PEX7: variants seen among roughly 807,000 people sequenced by gnomAD.
PEX7 encodes peroxisomal biogenesis factor 7.
A neutral mutation model predicts 47.5 loss-of-function variants in PEX7; 34 were observed. The ratio of observed to expected loss-of-function variants is 0.72; its 90% confidence interval spans 0.54 to 0.95. The LOEUF (loss-of-function observed/expected upper bound fraction) is 0.95. Ranked by LOEUF, PEX7 falls within the 40% of genes least tolerant of loss-of-function variation. The pLI is 0.00. For synonymous variants in PEX7, 141 were observed against 148.8 expected (o/e 0.95, Z 0.38); for missense variants, 394 against 400.3 (o/e 0.98, Z 0.13).
intron 9 of PEX7, among the ~76,000 whole-genome samples, chr6:136,904,737 G>A (rs563649570): frequency 6.6e-6 from 1 of 151,252 alleles, no homozygotes; most frequent in South Asian, 2.1e-4. Context: ...GGAACTGTAA[G>A]TCCATTAAAC....
rs375852164 is a variant in PEX7, at chr6:136,870,051, A to G, written c.747+48A>G. On this transcript the variant is annotated intron_variant, in intron 7 of 9. Coordinates refer to ENST00000318471, the MANE Select transcript of PEX7 (RefSeq NM_000288.4). ...ATATGTAGAATAAAATTATATAAAT[A>G]TAATCAATGAAGTGTATATTAAAAA... is the stretch of plus-strand genomic sequence containing the variant. 9 of 1,148,514 alleles carry G rather than the reference A, an allele frequency of 7.8e-6. No homozygotes were observed. The African/African-American group carries it at 1.2e-4, about 16-fold the overall frequency. 71.1% of individuals were successfully genotyped at this position (1,148,514 alleles called of 1,614,324 possible). A position where few individuals can be genotyped will look rare whatever the true frequency, so the allele number is the denominator to read the frequency against.
At chr6:136,867,558 A>C (rs1006777317) in intron 6 of PEX7, among the ~76,000 whole-genome samples, 1 of 152,090 alleles carries the variant, frequency 6.6e-6, no homozygotes, top group African/African-American at 2.4e-5. Flanking sequence ...AAAGAAAGAA[A>C]ATATTTTTGT....
chr6:136,876,972 G>A (rs187522461), intron 8 of PEX7, among the ~76,000 whole-genome samples: 12 of 152,174 alleles, frequency 7.9e-5, no homozygotes, highest in Admixed American at 6.5e-4. Flanking sequence ...AAAAGCCTTC[G>A]TATTTCTCCA....
intron 8 of PEX7, among the ~76,000 whole-genome samples, chr6:136,880,870 G>A (rs1039739359): frequency 6.6e-6 from 1 of 152,228 alleles, no homozygotes; most frequent in African/African-American, 2.4e-5. Flanking sequence ...CGGGCAGACA[G>A]CTGGGAAGAA....
chr6:136,867,776 A>G (rs957386936), intron 6 of PEX7, among the ~76,000 whole-genome samples: 11 of 105,376 alleles, frequency 1.0e-4, no homozygotes, highest in African/African-American at 3.5e-4. Context: ...ACTCCATCTC[A>G]AAACAACAAC....
chr6:136,866,116 TAAAA>T (rs748143520), intron 5 of PEX7, among the ~76,000 whole-genome samples: 31 of 151,574 alleles, frequency 2.0e-4, no homozygotes, highest in African/African-American at 4.1e-4. Flanking sequence ...AATAAATAAA[TAAAA>T]TTTTTTAGCT....
Position 136,846,159 on chromosome 6 carries a change from T to G in PEX7, c.504T>G (p.Pro168=). 6.2e-7 allele frequency: 1 copy of G among 1,611,652 alleles called. No homozygotes were observed. ...GCACAATCTGGTCTCCCCACATCCC[T>G]GGTTGTTTTGCTTCAGCCTCAGGTA... The part of the protein sequence containing the change: ...IYSTIWSPHI[P]GCFASASGDQ... The change falls in exon 5 of 10, where the codon CCT becomes CCG. Residue 168 remains proline (P), a synonymous_variant. Transcript: ENST00000318471.
chr6:136,866,703 C>CT lies in PEX7; in HGVS notation c.605dup (p.Leu202PhefsTer4), dbSNP rs778606958. Reference sequence around the variant, plus strand: ...TGATTCCTGCACATCAGGCAGAAATCTTGAGTTGTGACTGGTGTAAATACA... The same window carrying CT: ...TGATTCCTGCACATCAGGCAGAAATCTTTGAGTTGTGACTGGTGTAAATACA... On this transcript the variant is annotated frameshift_variant, in exon 6 of 10. Transcript: ENST00000318471. LOFTEE classifies it high-confidence loss of function. The CT allele has an allele frequency of 6.2e-7, 1 of 1,613,956 alleles. No individual in the cohort carries two copies. Among genetic ancestry groups the CT allele is most frequent in the Admixed American group, 1.7e-5 (1 of 60,004 alleles).
At chr6:136,896,496 GAAT>G (rs1775653960) in intron 8 of PEX7, among the ~76,000 whole-genome samples, 1 of 152,166 alleles carries the variant, frequency 6.6e-6, no homozygotes. Context: ...TCCCAAGGGA[GAAT>G]TTCCTTCTGA....
At chr6:136,890,433 C>T (rs1483963042) in intron 8 of PEX7, among the ~76,000 whole-genome samples, 2 of 152,212 alleles carry the variant, frequency 1.3e-5, no homozygotes, top group African/African-American at 2.4e-5. Context: ...GTCATTCCTC[C>T]TCCTCCTGCA....
intron 5 of PEX7, among the ~76,000 whole-genome samples, chr6:136,857,856 T>C (rs186303136): frequency 1.3e-5 from 2 of 152,270 alleles, no homozygotes; most frequent in East Asian, 1.9e-4. Flanking sequence ...AGGGTCTGGC[T>C]CTGTTGCCCG....
In PEX7 at chr6:136,913,609, C is replaced by G; in HGVS notation, c.*83C>G. On this transcript the variant is annotated 3_prime_UTR_variant, in exon 10 of 10. Transcript: ENST00000318471. ...ATAAATTAACTATGGAAAACATAGA[C>G]ATTATGCTTTTATATGCTATTCAGA... 1.1e-6 allele frequency: 1 copy of G among 933,488 alleles called. No individual in the cohort carries two copies. Among genetic ancestry groups the G allele is most frequent in the Non-Finnish European group, 1.8e-6 (1 of 563,856 alleles). The allele number at this position is 933,488 out of a possible 1,614,324, so 57.8% of individuals were successfully genotyped here. A position where few individuals can be genotyped will look rare whatever the true frequency, so the allele number is the denominator to read the frequency against.
intron 3 of PEX7, among the ~76,000 whole-genome samples, chr6:136,827,624 A>C (rs1057033490): frequency 6.6e-6 from 1 of 150,850 alleles, no homozygotes; most frequent in Non-Finnish European, 1.5e-5. Context: ...ACCTTCTGGA[A>C]TGGGCTCAAG....
At chr6:136,902,959 A>C (rs1775778123) in intron 9 of PEX7, among the ~76,000 whole-genome samples, 2 of 152,248 alleles carry the variant, frequency 1.3e-5, no homozygotes, top group South Asian at 4.2e-4. Context: ...CTCATGACAA[A>C]ATTTTGGAAA....
At chr6:136,850,342 C>G (rs1294781829) in intron 5 of PEX7, among the ~76,000 whole-genome samples, 1 of 152,086 alleles carries the variant, frequency 6.6e-6, no homozygotes, top group African/African-American at 2.4e-5. Context: ...TTAATTGGAG[C>G]ATTTAGCCCA....
rs371592642 is a variant in PEX7 at position 136,855,210 on chromosome 6, A to G, written c.526+9029A>G. Among the ~76,000 whole-genome samples the G allele has an allele frequency of 1.6e-3, 244 of 152,310 alleles. 2 individuals carry two copies. The South Asian group carries it at 0.026, about 16-fold the overall frequency. Reference sequence around the variant, plus strand: ...ATTAATAATGAGAATATAATTTTGTATATTTGGAAAAGTATTAGTAAGTAC... The same window carrying G: ...ATTAATAATGAGAATATAATTTTGTGTATTTGGAAAAGTATTAGTAAGTAC... On this transcript the variant is annotated intron_variant, in intron 5 of 9. Coordinates refer to ENST00000318471, the MANE Select transcript of PEX7 (RefSeq NM_000288.4).
chr6:136,863,175 C>G (rs74397188), intron 5 of PEX7, among the ~76,000 whole-genome samples: 2 of 152,148 alleles, frequency 1.3e-5, no homozygotes, highest in African/African-American at 2.4e-5. Flanking sequence ...TATGTTGTCA[C>G]TAGTGGGTCC....
At chr6:136,898,722 A>C (rs905141937) in intron 9 of PEX7, among the ~76,000 whole-genome samples, 1 of 152,228 alleles carries the variant, frequency 6.6e-6, no homozygotes, top group Non-Finnish European at 1.5e-5. Context: ...AATGTCTGCT[A>C]TTTAAGTTAA....
intron 3 of PEX7, among the ~76,000 whole-genome samples, chr6:136,840,156 T>A (rs982150583): frequency 2.0e-5 from 3 of 152,156 alleles, no homozygotes; most frequent in African/African-American, 7.2e-5. Context: ...ATTTTAAAAA[T>A]CAATGAAATA....
Sources: allele counts gnomAD v4.1 joint callset (sites outside exome capture counted in the v4.1 genomes callset), GRCh38; gene constraint gnomAD v4.1.1; transcripts MANE v1.5; gene names NCBI Gene and HGNC (gene_info 2026-07-23, HGNC 2026-07-21).